The following NAXD variants were observed in gnomAD, a reference collection of about 807,000 sequenced individuals.
The protein encoded by NAXD is ATP-dependent (S)-NAD(P)H-hydrate dehydratase.
In NAXD, 22 loss-of-function variants were observed where a neutral mutation model predicts 35.8. That is an observed-to-expected ratio of 0.62 (90% CI 0.44 to 0.88). NAXD has a LOEUF of 0.88. Among genes scored for constraint, NAXD ranks in the 40% least tolerant of loss-of-function variants. The pLI, the probability that NAXD is intolerant of heterozygous loss-of-function variation, is 0.00. For synonymous variants in NAXD, 189 were observed against 177.6 expected (o/e 1.06, Z -0.51); for missense variants, 428 against 437.7 (o/e 0.98, Z 0.20).
At chr13:110,623,462 C>T (rs964475796) in intron 2 of NAXD, among the ~76,000 whole-genome samples, 3 of 152,134 alleles carry the variant, frequency 2.0e-5, no homozygotes, top group Admixed American at 1.3e-4. Context: ...TGGTGGGTGC[C>T]GTTTCTTGTT....
In NAXD at chr13:110,615,561, G is replaced by T; in HGVS notation, c.-41G>T. 1 of 1,335,504 alleles carries T rather than the reference G, an allele frequency of 7.5e-7. No homozygotes were observed. The highest frequency in any genetic ancestry group is 3.9e-5 in the Admixed American group (1 of 25,576). The allele number at this position is 1,335,504 out of a possible 1,614,324, so 82.7% of individuals were successfully genotyped here. On this transcript the variant is annotated 5_prime_UTR_variant, in exon 1 of 10. Coordinates refer to ENST00000680254, the MANE Select transcript of NAXD (RefSeq NM_001242882.2). ...AACGCTTCCAATGGCTGTGTTTCCG[G>T]CGACGGCGCGGGGGCAGCTGGGAAT...
At chr13:110,625,108 T>C (rs768549727) in intron 3 of NAXD, 82 bp from the exon 4 acceptor site, 4 of 995,626 alleles carry the variant, frequency 4.0e-6, no homozygotes, top group Non-Finnish European at 6.4e-6. Flanking sequence ...GGCTGAGTAA[T>C]GAGCGCTGGA....
At position 110,638,456 on chromosome 13, in the gene NAXD, C is replaced by T. The variant is rs145151789; in HGVS notation, c.918C>T (p.His306=). 6.3e-4 allele frequency: 1,020 copies of T among 1,613,420 alleles called. 1 individual carries two copies. The highest frequency in any genetic ancestry group is 4.9e-3 in the Middle Eastern group (30 of 6,062). The change falls in exon 10 of 10, where the codon CAC becomes CAT. Residue 306 remains histidine (H), a synonymous_variant. Coordinates refer to ENST00000680254, the MANE Select transcript of NAXD (RefSeq NM_001242882.2). The surrounding 1 kb of genome is among the most constrained non-coding windows in gnomAD (Gnocchi z 5.4). ...RQCNHQAFQK[H]GRSTTTSDMI... is the part of the protein sequence containing the mutation. ...GCAACCACCAAGCCTTCCAGAAGCA[C>T]GGTCGCTCCACCACCACCTCCGACA...
chr13:110,637,063 C>T lies in NAXD; in HGVS notation c.719-66C>T, dbSNP rs372132546. On this transcript the variant is annotated intron_variant, in intron 8 of 9. Transcript: ENST00000680254. ...TGCCTGCCGTGCGGCCTTCCACACC[C>T]GTGGCTACTGTCACATTCACACACA... 132 of 1,534,616 alleles carry T rather than the reference C, an allele frequency of 8.6e-5. No individual in the cohort carries two copies. The African/African-American group carries it at 1.3e-3, about 15-fold the overall frequency.
chr13:110,630,656 G>A (rs747020550), intron 5 of NAXD, among the ~76,000 whole-genome samples: 1 of 152,280 alleles, frequency 6.6e-6, no homozygotes, highest in Non-Finnish European at 1.5e-5. Context: ...TGTTTTGGTT[G>A]TTACTTTAGC....
At chr13:110,624,089 G>C (rs1886367166) in intron 2 of NAXD, 145 bp from the exon 3 acceptor site, 2 of 543,364 alleles carry the variant, frequency 3.7e-6, no homozygotes, top group Non-Finnish European at 3.3e-6. Context: ...TGTTGGGTTT[G>C]TGCTGTGTGC....
intron 1 of NAXD, among the ~76,000 whole-genome samples, chr13:110,621,619 C>T (rs1886267189): frequency 6.6e-6 from 1 of 152,222 alleles, no homozygotes; most frequent in Middle Eastern, 3.4e-3. Context: ...TCGCTTGAAC[C>T]CAGGAGGTGG....
intron 2 of NAXD, among the ~76,000 whole-genome samples, chr13:110,623,669 G>T (rs910928265): frequency 6.6e-6 from 1 of 152,244 alleles, no homozygotes; most frequent in African/African-American, 2.4e-5. Flanking sequence ...TACTGCCAGA[G>T]ATTCACTCTC....
At chr13:110,637,621 A>C (rs1302650424) in intron 9 of NAXD, among the ~76,000 whole-genome samples, 1 of 152,268 alleles carries the variant, frequency 6.6e-6, no homozygotes, top group Non-Finnish European at 1.5e-5. Context: ...ACTTGTTCTT[A>C]AAGATGTGAA....
chr13:110,618,406 C>G (rs1886137396), intron 1 of NAXD, among the ~76,000 whole-genome samples: 1 of 152,138 alleles, frequency 6.6e-6, no homozygotes, highest in Admixed American at 6.6e-5. Flanking sequence ...GTGGGTTGAT[C>G]AAGTTGCTGT....
intron 5 of NAXD, among the ~76,000 whole-genome samples, chr13:110,629,020 T>A (rs565625664): frequency 6.6e-6 from 1 of 152,212 alleles, no homozygotes; most frequent in Non-Finnish European, 1.5e-5. Context: ...TGCATTCTGG[T>A]TCCTGTACAC....
intron 1 of NAXD, 133 bp downstream of exon 1, chr13:110,615,780 C>T (rs934858635): frequency 3.7e-6 from 5 of 1,368,872 alleles, no homozygotes; most frequent in Non-Finnish European, 4.7e-6. Flanking sequence ...CGCAGGTACC[C>T]GACCGCTGAC....
rs1187397737 is a variant in NAXD at position 110,638,324 on chromosome 13, C to T, written c.840-54C>T. 8 of 1,612,952 alleles carry T rather than the reference C, an allele frequency of 5.0e-6. No individual in the cohort carries two copies. Among genetic ancestry groups the T allele is most frequent in the Non-Finnish European group, 2.5e-6 (3 of 1,179,616 alleles). ...AACCAGAGCCCAGGGTAGCTGCGGCCCCCGGACCACGACGCCCACTTCCCC... is the reference window on the plus strand; with the variant it reads ...AACCAGAGCCCAGGGTAGCTGCGGCTCCCGGACCACGACGCCCACTTCCCC... On this transcript the variant is annotated intron_variant, in intron 9 of 9. Transcript: ENST00000680254. This position sits in a 1 kb window ranked among gnomAD's most constrained non-coding sequence, Gnocchi z 5.4.
In NAXD at chr13:110,628,059, C is replaced by A. The variant is rs1348373716; in HGVS notation, c.441+512C>A. ...CTCTCATTTATGCTGGTATTTCTTTCTTAAAGTTCATCTTATGCCCACCTA... is the reference window on the plus strand; with the variant it reads ...CTCTCATTTATGCTGGTATTTCTTTATTAAAGTTCATCTTATGCCCACCTA... On this transcript the variant is annotated intron_variant, in intron 5 of 9. Coordinates refer to ENST00000680254, the MANE Select transcript of NAXD (RefSeq NM_001242882.2). This position sits in a 1 kb window ranked among gnomAD's most constrained non-coding sequence, Gnocchi z 4.1. Among the ~76,000 whole-genome samples, 1 of 152,204 alleles carries A rather than the reference C, an allele frequency of 6.6e-6. No individual in the cohort carries two copies. Among genetic ancestry groups the A allele is most frequent in the East Asian group, 1.9e-4 (1 of 5,206 alleles).
chr13:110,638,090 C>T lies in NAXD; in HGVS notation c.840-288C>T, dbSNP rs1887002364. On this transcript the variant is annotated intron_variant, in intron 9 of 9. Coordinates refer to ENST00000680254, the MANE Select transcript of NAXD (RefSeq NM_001242882.2). This position sits in a 1 kb window ranked among gnomAD's most constrained non-coding sequence, Gnocchi z 5.4. The stretch of plus-strand genomic sequence containing the variant: ...GTCAAACAGGGCTAAGCAGCTTGTG[C>T]CGCCTGGCTTTCCCCGGGAACACCT... The T allele has an allele frequency of 3.9e-6, 3 of 768,118 alleles. No individual in the cohort carries two copies. Among genetic ancestry groups the T allele is most frequent in the Non-Finnish European group, 6.5e-6 (3 of 463,096 alleles). The allele number at this position is 768,118 out of a possible 1,614,324, so 47.6% of individuals were successfully genotyped here.
At chr13:110,615,908 G>A (rs1483172148) in intron 1 of NAXD, 12 of 689,234 alleles carry the variant, frequency 1.7e-5, no homozygotes, top group Non-Finnish European at 2.2e-5. Flanking sequence ...CTGGAACGGC[G>A]CGGCGACGGC....
At chr13:110,634,851 C>T in intron 7 of NAXD, 75 bp downstream of exon 7, 1 of 1,121,600 alleles carries the variant, frequency 8.9e-7, no homozygotes, top group East Asian at 2.5e-5. Context: ...GAGCTCCATG[C>T]TTCTGCCCAG....
chr13:110,637,504 G>C (rs914101175), intron 9 of NAXD, among the ~76,000 whole-genome samples: 11 of 152,184 alleles, frequency 7.2e-5, no homozygotes, highest in Admixed American at 1.3e-4. Context: ...GAGTTCCGAG[G>C]TGCAACCAAG....
chr13:110,632,680 A>C lies in NAXD; in HGVS notation c.442-1865A>C, dbSNP rs551120820. Among the ~76,000 whole-genome samples the C allele has an allele frequency of 7.9e-5, 12 of 151,604 alleles. No homozygotes were observed. In the East Asian group the frequency reaches 2.3e-3, roughly 29 times the overall value. ...CTCACAAACCCTGAGTTAGACACAG[A>C]GTGCTGATTGGTGTATTTACAAACC... is the stretch of plus-strand genomic sequence containing the variant. On this transcript the variant is annotated intron_variant, in intron 5 of 9. Transcript: ENST00000680254.
Sources: gnomAD v4.1 joint callset for allele counts (sites outside exome capture counted in the v4.1 genomes callset) on GRCh38, gnomAD v4.1.1 for gene constraint, Gnocchi (gnomAD v3.1) non-coding constraint, MANE v1.5 for transcripts, NCBI Gene and HGNC (gene_info 2026-07-23, HGNC 2026-07-21) for gene names.